Variants in CHODL observed in about 807,000 individuals in gnomAD.
CHODL encodes the protein chondrolectin.
In CHODL, 29 loss-of-function variants were observed where a neutral mutation model predicts 34.5. That is an observed-to-expected ratio of 0.84 (90% CI 0.63 to 1.15). The LOEUF is 1.15. Among genes scored for constraint, CHODL ranks in the 50% most tolerant of loss-of-function variants. The pLI is 0.00. For missense variants in CHODL, 332 were observed against 332.5 expected, an observed-to-expected ratio of 1.00 and a Z score of 0.01; for synonymous variants, 125 against 116.1, an observed-to-expected ratio of 1.08 and a Z score of -0.49.
chr21:18,165,612 A>G (rs2073142862), intron 2 of CHODL, among the ~76,000 whole-genome samples: 1 of 152,176 alleles, frequency 6.6e-6, no homozygotes, highest in Non-Finnish European at 1.5e-5. Context: ...AGCTTCCAAG[A>G]CACAGTCCCT....
At chr21:17,997,008 G>C (rs1290463213) in intron 1 of CHODL, among the ~76,000 whole-genome samples, 1 of 151,730 alleles carries the variant, frequency 6.6e-6, no homozygotes, top group African/African-American at 2.4e-5. Flanking sequence ...ATTTTATTCT[G>C]ATTTTAAAAA....
chr21:18,180,850 G>A (rs1410071413), intron 2 of CHODL, among the ~76,000 whole-genome samples: 1 of 152,074 alleles, frequency 6.6e-6, no homozygotes, highest in African/African-American at 2.4e-5. Context: ...ATAAATTGGG[G>A]CAATTAATCA....
chr21:17,964,404 G>A (rs2063555885), intron 1 of CHODL, among the ~76,000 whole-genome samples: 1 of 152,322 alleles, frequency 6.6e-6, no homozygotes, highest in African/African-American at 2.4e-5. Flanking sequence ...ATGCCAAAAC[G>A]AAGGAGAATT....
intron 2 of CHODL, among the ~76,000 whole-genome samples, chr21:18,141,366 C>T (rs573592829): frequency 4.7e-5 from 7 of 150,378 alleles, no homozygotes; most frequent in Non-Finnish European, 1.0e-4. Context: ...ATAACCTTCT[C>T]AAACATGTGA....
intron 1 of CHODL, chr21:18,245,893 TG>T: frequency 6.5e-7 from 1 of 1,535,392 alleles, no homozygotes; most frequent in South Asian, 1.2e-5. Context: ...CGTTCCAAGT[TG>T]GGGACTTCCC....
chr21:17,925,130 A>G (rs2063212879), intron 1 of CHODL, among the ~76,000 whole-genome samples: 1 of 152,190 alleles, frequency 6.6e-6, no homozygotes, highest in South Asian at 2.1e-4. Context: ...GGAAGAAAGG[A>G]AAGGACACAC....
chr21:18,057,871 T>C (rs540860798), intron 2 of CHODL, among the ~76,000 whole-genome samples: 5 of 152,102 alleles, frequency 3.3e-5, no homozygotes, highest in Admixed American at 6.6e-5. Flanking sequence ...TACATATTCA[T>C]GGAGTACAAA....
intron 2 of CHODL, among the ~76,000 whole-genome samples, chr21:18,046,766 G>C (rs761598009): frequency 5.3e-5 from 8 of 151,870 alleles, no homozygotes; most frequent in Non-Finnish European, 8.8e-5. Context: ...ATGATGACTT[G>C]GTTTTCTTAC....
At chr21:18,264,550 C>T (rs1156963632) in intron 5 of CHODL, among the ~76,000 whole-genome samples, 2 of 144,022 alleles carry the variant, frequency 1.4e-5, no homozygotes, top group East Asian at 2.0e-4. Flanking sequence ...TGCAGTGAGC[C>T]GAGATCAGGC....
At chr21:18,247,649 G>A (rs1206271189) in intron 1 of CHODL, among the ~76,000 whole-genome samples, 1 of 151,958 alleles carries the variant, frequency 6.6e-6, no homozygotes, top group East Asian at 1.9e-4. Flanking sequence ...CTAGGTCAGT[G>A]GTCATGATTA....
At chr21:18,175,509 C>T (rs1040724666) in intron 2 of CHODL, among the ~76,000 whole-genome samples, 2 of 151,440 alleles carry the variant, frequency 1.3e-5, no homozygotes, top group South Asian at 2.1e-4. Flanking sequence ...AGGAGAATTG[C>T]GTGAACCTGG....
intron 2 of CHODL, among the ~76,000 whole-genome samples, chr21:18,117,544 A>G (rs1254501529): frequency 6.6e-6 from 1 of 152,100 alleles, no homozygotes; most frequent in Admixed American, 6.6e-5. Flanking sequence ...TATTTTACTC[A>G]TTCATAAAAA....
chr21:18,049,810 T>C (rs964447034), intron 2 of CHODL, among the ~76,000 whole-genome samples: 6 of 152,006 alleles, frequency 3.9e-5, no homozygotes, highest in Admixed American at 6.6e-5. Context: ...TTTCTTCAAA[T>C]ACGGCTGCAT....
chr21:17,923,612 C>T (rs1053185481), intron 1 of CHODL, among the ~76,000 whole-genome samples: 2 of 152,064 alleles, frequency 1.3e-5, no homozygotes, highest in Admixed American at 6.5e-5. Context: ...CAGGTGCCCG[C>T]CACTATGTCC....
At chr21:18,157,078 A>C (rs2073043215) in intron 2 of CHODL, among the ~76,000 whole-genome samples, 1 of 151,986 alleles carries the variant, frequency 6.6e-6, no homozygotes, top group Admixed American at 6.5e-5. Context: ...ATGTGGTACC[A>C]CTCCCTTCAT....
intron 2 of CHODL, among the ~76,000 whole-genome samples, chr21:18,211,210 C>T (rs2073771684): frequency 6.6e-6 from 1 of 151,526 alleles, no homozygotes; most frequent in Non-Finnish European, 1.5e-5. Flanking sequence ...GTATTTTGTT[C>T]CATAGCACTT....
chr21:18,183,736 G>A (rs75288695), intron 2 of CHODL, among the ~76,000 whole-genome samples: 4,433 of 152,206 alleles, frequency 0.029, 68 homozygotes, highest in Non-Finnish European at 0.037. Flanking sequence ...TAACGAGATC[G>A]AGTGTTTTTC....
chr21:18,031,436 T>G (rs1303578795), intron 2 of CHODL, among the ~76,000 whole-genome samples: 1 of 152,066 alleles, frequency 6.6e-6, no homozygotes, highest in Non-Finnish European at 1.5e-5. Flanking sequence ...AAGAAGAAGC[T>G]AAAGAATTTC....
chr21:18,003,291 C>A (rs1046594805), intron 1 of CHODL, among the ~76,000 whole-genome samples: 11 of 151,596 alleles, frequency 7.3e-5, no homozygotes, highest in Non-Finnish European at 1.6e-4. Context: ...TAGTGACACA[C>A]CTCTTAGTAA....
Sources: gnomAD v4.1 joint callset for allele counts (sites outside exome capture counted in the v4.1 genomes callset) on GRCh38, gnomAD v4.1.1 for gene constraint, MANE v1.5 for transcripts, NCBI Gene and HGNC (gene_info 2026-07-23, HGNC 2026-07-21) for gene names.